Variants in SORCS2 observed in about 807,000 individuals in gnomAD.
SORCS2 encodes VPS10 domain-containing receptor SorCS2.
A neutral mutation model predicts 141.6 loss-of-function variants in SORCS2; 100 were observed. That is an observed-to-expected ratio of 0.71 (90% confidence interval 0.60 to 0.83). SORCS2 has a LOEUF of 0.83. Among genes scored for constraint, SORCS2 ranks in the 40% least tolerant of loss-of-function variants. The pLI is 0.00. For synonymous variants in SORCS2, 789 were observed against 676.9 expected (o/e 1.17, Z -2.57); for missense variants, 1,646 against 1,560.2 (o/e 1.05, Z -0.93).
intron 2 of SORCS2, among the ~76,000 whole-genome samples, chr4:7,522,062 A>G (rs565050342): frequency 2.6e-5 from 4 of 152,350 alleles, no homozygotes; most frequent in Non-Finnish European, 5.9e-5. Flanking sequence ...GGACAGGCAC[A>G]GGAGGTCCGC....
intron 1 of SORCS2, among the ~76,000 whole-genome samples, chr4:7,205,216 G>A (rs1727669423): frequency 6.6e-6 from 1 of 152,092 alleles, no homozygotes; most frequent in Non-Finnish European, 1.5e-5. Context: ...AGGCTCCTTG[G>A]GTGGACCAAG....
intron 1 of SORCS2, among the ~76,000 whole-genome samples, chr4:7,225,795 G>A (rs542964509): frequency 6.6e-6 from 1 of 152,304 alleles, no homozygotes; most frequent in South Asian, 2.1e-4. Context: ...GACCAGTTGG[G>A]GCTTCCTTCC....
intron 11 of SORCS2, among the ~76,000 whole-genome samples, chr4:7,691,565 G>A (rs924665142): frequency 2.0e-5 from 3 of 152,062 alleles, no homozygotes; most frequent in African/African-American, 2.4e-5. Flanking sequence ...CTATATGCCC[G>A]GGGTCCTAGG....
At chr4:7,330,346 C>A (rs555770769) in intron 1 of SORCS2, among the ~76,000 whole-genome samples, 1 of 152,018 alleles carries the variant, frequency 6.6e-6, no homozygotes, top group East Asian at 1.9e-4. Flanking sequence ...TGTGATTCAG[C>A]GTATCACAAA....
chr4:7,433,775 G>A lies in SORCS2; in HGVS notation c.548+37420G>A, dbSNP rs200019784. Reference sequence around the variant, plus strand: ...TCATGGACTGCCCGGGCCCGCCTCCGGTTGCCACACAGACGGATGAACTTG... The same window carrying A: ...TCATGGACTGCCCGGGCCCGCCTCCAGTTGCCACACAGACGGATGAACTTG... On this transcript the variant is annotated intron_variant, in intron 2 of 26. Transcript: ENST00000507866. 2.5e-5 allele frequency: 40 copies of A among 1,613,432 alleles called. No individual in the cohort carries two copies. The Middle Eastern group carries it at 4.9e-4, about 20-fold the overall frequency.
At chr4:7,712,630 A>G (rs930698037) in intron 14 of SORCS2, 103 bp from the exon 15 acceptor site, 7 of 1,496,848 alleles carry the variant, frequency 4.7e-6, no homozygotes, top group Non-Finnish European at 6.4e-6. Flanking sequence ...ATCTGTGCCC[A>G]TGGTACAGGT....
intron 2 of SORCS2, among the ~76,000 whole-genome samples, chr4:7,406,174 T>G (rs1453770546): frequency 1.3e-5 from 2 of 148,844 alleles, no homozygotes; most frequent in African/African-American, 2.4e-5. Context: ...GTTGGATCAT[T>G]ATTCATATTG....
At chr4:7,322,271 C>T (rs754627142) in intron 1 of SORCS2, among the ~76,000 whole-genome samples, 11 of 152,012 alleles carry the variant, frequency 7.2e-5, no homozygotes, top group African/African-American at 9.7e-5. Flanking sequence ...GCAGAGGGGG[C>T]GGTGAGGATG....
intron 1 of SORCS2, among the ~76,000 whole-genome samples, chr4:7,243,911 G>T (rs367921425): frequency 1.6e-4 from 25 of 151,604 alleles, no homozygotes; most frequent in African/African-American, 5.5e-4. Context: ...CACGCAGCAG[G>T]CCTGGCCCGA....
At chr4:7,332,443 T>C (rs1719710844) in intron 1 of SORCS2, among the ~76,000 whole-genome samples, 1 of 152,210 alleles carries the variant, frequency 6.6e-6, no homozygotes, top group Non-Finnish European at 1.5e-5. Context: ...CAACTGCCTC[T>C]GCTTCTGTCC....
chr4:7,352,678 G>T (rs1050812649), intron 1 of SORCS2, among the ~76,000 whole-genome samples: 2 of 152,218 alleles, frequency 1.3e-5, no homozygotes, highest in African/African-American at 2.4e-5. Context: ...TCACTTGGCA[G>T]TGCATCCTCA....
intron 2 of SORCS2, chr4:7,434,917 G>A (rs1344116698): frequency 3.3e-6 from 5 of 1,493,726 alleles, no homozygotes; most frequent in Non-Finnish European, 4.5e-6. Context: ...GTACCCAGCA[G>A]TGGCTGCTGC....
intron 3 of SORCS2, among the ~76,000 whole-genome samples, chr4:7,621,141 G>A (rs542823210): frequency 7.8e-4 from 119 of 152,282 alleles, no homozygotes; most frequent in African/African-American, 2.7e-3. Context: ...TGTCCATCCT[G>A]GGCAGTGTGA....
intron 2 of SORCS2, among the ~76,000 whole-genome samples, chr4:7,476,756 A>G (rs1233237765): frequency 2.0e-5 from 3 of 152,124 alleles, no homozygotes; most frequent in Admixed American, 6.5e-5. Flanking sequence ...GACATGGCCC[A>G]GCACCTGCTC....
At chr4:7,333,689 C>T (rs1430127623) in intron 1 of SORCS2, among the ~76,000 whole-genome samples, 1 of 152,180 alleles carries the variant, frequency 6.6e-6, no homozygotes, top group Non-Finnish European at 1.5e-5. Flanking sequence ...GCCCAGGGGC[C>T]CAGGTCTCCC....
At chr4:7,420,353 A>T (rs1217690079) in intron 2 of SORCS2, among the ~76,000 whole-genome samples, 2 of 152,118 alleles carry the variant, frequency 1.3e-5, no homozygotes, top group Non-Finnish European at 2.9e-5. Flanking sequence ...TCCACCTTGC[A>T]GGTTTGTGGG....
chr4:7,667,880 C>CACT (rs2108932140), intron 8 of SORCS2, among the ~76,000 whole-genome samples: 1 of 152,304 alleles, frequency 6.6e-6, no homozygotes, highest in African/African-American at 2.4e-5. Flanking sequence ...TTCAGAGAGA[C>CACT]ACTAACCTGT....
At position 7,358,565 on chromosome 4, in the gene SORCS2, C is replaced by G. The variant is rs187985531; in HGVS notation, c.481-37723C>G. Among the ~76,000 whole-genome samples the G allele has an allele frequency of 7.1e-3, 1,078 of 152,344 alleles. 5 individuals are homozygous for G. Among genetic ancestry groups the G allele is most frequent in the Non-Finnish European group, 0.011 (752 of 68,034 alleles). ...AGATGGTGACTCACAGTCTAACTTT[C>G]AACTCTTGAAGTATTGCGCCTTTGA... On this transcript the variant is annotated intron_variant, in intron 1 of 26. Coordinates refer to ENST00000507866, the MANE Select transcript of SORCS2 (RefSeq NM_020777.3).
chr4:7,473,874 G>T (rs1730131182), intron 2 of SORCS2, among the ~76,000 whole-genome samples: 1 of 152,192 alleles, frequency 6.6e-6, no homozygotes, highest in Non-Finnish European at 1.5e-5. Context: ...GGTTCCCCAT[G>T]CCCACTTCAC....
Sources: allele counts gnomAD v4.1 joint callset (sites outside exome capture counted in the v4.1 genomes callset), GRCh38; gene constraint gnomAD v4.1.1; transcripts MANE v1.5; gene names NCBI Gene and HGNC (gene_info 2026-07-23, HGNC 2026-07-21).